The following HNRNPC variants were observed in gnomAD, a reference collection of about 807,000 sequenced individuals.
HNRNPC encodes the protein heterogeneous nuclear ribonucleoproteins C1/C2.
Under a neutral mutation model 33.2 loss-of-function variants are expected in HNRNPC, and 3 were observed. That is an observed-to-expected ratio of 0.09 (90% CI 0.04 to 0.23). The LOEUF is 0.23. Ranked by LOEUF, HNRNPC falls within the 10% of genes least tolerant of loss-of-function variation. The pLI is 1.00. For missense variants in HNRNPC, 143 were observed against 366.7 expected (o/e 0.39, Z 4.98); for synonymous variants, 121 against 126.7 (o/e 0.96, Z 0.30).
chr14:21,244,895 A>C (rs1895788055), intron 2 of HNRNPC, among the ~76,000 whole-genome samples: 1 of 151,706 alleles, frequency 6.6e-6, no homozygotes, highest in African/African-American at 2.4e-5. Flanking sequence ...GACCAACCAG[A>C]CCAATATGGT....
At chr14:21,230,730 A>G (rs1276840891) in intron 4 of HNRNPC, 1 of 503,018 alleles carries the variant, frequency 2.0e-6, no homozygotes, top group Non-Finnish European at 3.5e-6. Context: ...AGGTTATGCT[A>G]TAAATATCAA....
At chr14:21,229,172 T>C (rs900198638) in intron 5 of HNRNPC, among the ~76,000 whole-genome samples, 1 of 150,326 alleles carries the variant, frequency 6.7e-6, no homozygotes, top group Admixed American at 6.6e-5. Context: ...GGACGGATCA[T>C]GAGGTCAGGA....
intron 2 of HNRNPC, among the ~76,000 whole-genome samples, chr14:21,235,149 C>A (rs780536828): frequency 6.6e-6 from 1 of 152,318 alleles, no homozygotes; most frequent in East Asian, 1.9e-4. Flanking sequence ...CATCTCAGGT[C>A]CCGTAAAGCG....
At chr14:21,254,386 A>C (rs1429058112) in intron 2 of HNRNPC, among the ~76,000 whole-genome samples, 2 of 152,134 alleles carry the variant, frequency 1.3e-5, no homozygotes, top group Non-Finnish European at 2.9e-5. Context: ...TTATTACTTA[A>C]ATATATATGC....
intron 2 of HNRNPC, among the ~76,000 whole-genome samples, chr14:21,261,385 A>T (rs1380767017): frequency 6.6e-6 from 1 of 152,226 alleles, no homozygotes; most frequent in Non-Finnish European, 1.5e-5. Flanking sequence ...GCTCTCATAC[A>T]ATAGAGAGCA....
intron 5 of HNRNPC, among the ~76,000 whole-genome samples, chr14:21,213,979 G>A (rs2139461598): frequency 6.6e-6 from 1 of 152,262 alleles, no homozygotes; most frequent in East Asian, 1.9e-4. Flanking sequence ...CAAAGCAGTG[G>A]CTTGGTACAC....
rs146454123 is a variant in HNRNPC, at chr14:21,235,901, C to T, written c.-36-1672G>A. Among the ~76,000 whole-genome samples, 23 of 152,174 alleles carry T rather than the reference C, an allele frequency of 1.5e-4. No individual in the cohort carries two copies. The East Asian group carries it at 4.2e-3, about 28-fold the overall frequency. ...GGGCTCCGTAAGCCAACACAGAATACTGACCATAAGGGAAAAAACCCATCA... is the reference window on the plus strand; with the variant it reads ...GGGCTCCGTAAGCCAACACAGAATATTGACCATAAGGGAAAAAACCCATCA... On this transcript the variant is annotated intron_variant, in intron 2 of 8. Coordinates refer to ENST00000553300, the MANE Select transcript of HNRNPC (RefSeq NM_004500.4).
chr14:21,218,705 A>AAAAC (rs1892500789), intron 5 of HNRNPC, among the ~76,000 whole-genome samples: 1 of 143,576 alleles, frequency 7.0e-6, no homozygotes, highest in Non-Finnish European at 1.5e-5. Context: ...AAAAAAAAAA[A>AAAAC]AAACTGAAAT....
At chr14:21,230,931 G>A (rs1894046798) in intron 4 of HNRNPC, 66 bp downstream of exon 4, 1 of 1,565,238 alleles carries the variant, frequency 6.4e-7, no homozygotes, top group Non-Finnish European at 8.8e-7. Flanking sequence ...TGGACACAAT[G>A]CAGTTATAAA....
chr14:21,236,935 G>A (rs954130330), intron 2 of HNRNPC, among the ~76,000 whole-genome samples: 6 of 152,212 alleles, frequency 3.9e-5, no homozygotes, highest in Non-Finnish European at 8.8e-5. Flanking sequence ...TGGTTTCACT[G>A]ACTGTGGGAG....
At chr14:21,244,383 TA>T (rs1210861374) in intron 2 of HNRNPC, among the ~76,000 whole-genome samples, 1 of 152,210 alleles carries the variant, frequency 6.6e-6, no homozygotes, top group Non-Finnish European at 1.5e-5. Context: ...AATAAAAAAT[TA>T]AGGTCTTAAA....
At chr14:21,230,188 G>C in intron 5 of HNRNPC, 131 bp downstream of exon 5, 1 of 549,214 alleles carries the variant, frequency 1.8e-6, no homozygotes, top group Non-Finnish European at 3.3e-6. Flanking sequence ...TTTAGAAAAA[G>C]GTGTTTTTTT....
At chr14:21,228,306 A>C (rs1893703206) in intron 5 of HNRNPC, among the ~76,000 whole-genome samples, 1 of 152,208 alleles carries the variant, frequency 6.6e-6, no homozygotes, top group African/African-American at 2.4e-5. Flanking sequence ...GCAAAAATTC[A>C]AAAAATTGCA....
intron 2 of HNRNPC, among the ~76,000 whole-genome samples, chr14:21,258,967 A>G (rs1165083652): frequency 6.6e-6 from 1 of 152,134 alleles, no homozygotes; most frequent in African/African-American, 2.4e-5. Flanking sequence ...TCCCTACACA[A>G]CAGAAGATAA....
chr14:21,229,066 G>A (rs1893800270), intron 5 of HNRNPC, among the ~76,000 whole-genome samples: 5 of 145,398 alleles, frequency 3.4e-5, no homozygotes, highest in Admixed American at 2.8e-4. Flanking sequence ...GCCTGGTGAC[G>A]AGAGGAAAAT....
intron 5 of HNRNPC, among the ~76,000 whole-genome samples, chr14:21,228,538 C>T (rs1440093916): frequency 1.3e-5 from 2 of 151,960 alleles, no homozygotes; most frequent in Non-Finnish European, 2.9e-5. Flanking sequence ...ACTACAGGCG[C>T]GTGCCACCAC....
Position 21,211,004 on chromosome 14 carries a change from G to A in HNRNPC, c.*219C>T, listed in dbSNP as rs570490265. 4.8e-5 allele frequency: 28 copies of A among 579,140 alleles called. No individual in the cohort carries two copies. In the East Asian group the frequency reaches 6.4e-4, roughly 13 times the overall value. 35.9% of individuals were successfully genotyped at this position (579,140 alleles called of 1,614,324 possible). On this transcript the variant is annotated 3_prime_UTR_variant, in exon 9 of 9. Coordinates refer to ENST00000553300, the MANE Select transcript of HNRNPC (RefSeq NM_004500.4). ...ATCAAAATTAAAAGCAAAAATTACA[G>A]GGTAAGACTTAACAAAACTACTAGG... is the stretch of plus-strand genomic sequence containing the variant.
Position 21,230,978 on chromosome 14 carries a change from A to AG in HNRNPC, c.317+18dup, listed in dbSNP as rs775619803. On this transcript the variant is annotated intron_variant, in intron 4 of 8. Coordinates refer to ENST00000553300, the MANE Select transcript of HNRNPC (RefSeq NM_004500.4). The stretch of plus-strand genomic sequence containing the variant: ...CGGACCTGAGTAGAGGGGACGGAGA[A>AG]GGGTGTTCTGTTACTGACCCGTACA... 8 of 1,614,116 alleles carry AG rather than the reference A, an allele frequency of 5.0e-6. No homozygotes were observed. The highest frequency in any genetic ancestry group is 6.8e-6 in the Non-Finnish European group (8 of 1,179,964).
At chr14:21,232,531 T>C (rs1378371952) in intron 3 of HNRNPC, among the ~76,000 whole-genome samples, 1 of 151,954 alleles carries the variant, frequency 6.6e-6, no homozygotes, top group African/African-American at 2.4e-5. Context: ...AACCACAGCC[T>C]GCTAATTTTA....
Sources: gnomAD v4.1 joint callset for allele counts (sites outside exome capture counted in the v4.1 genomes callset) on GRCh38, gnomAD v4.1.1 for gene constraint, MANE v1.5 for transcripts, NCBI Gene and HGNC (gene_info 2026-07-23, HGNC 2026-07-21) for gene names.